The following TLE6 variants were observed in gnomAD, a reference collection of about 807,000 sequenced individuals.
TLE6 encodes the protein TLE family member 6, subcortical maternal complex member.
A neutral mutation model predicts 77.1 loss-of-function variants in TLE6; 72 were observed. The observed-to-expected ratio is 0.93, with a 90% CI of 0.77 to 1.14. The LOEUF is 1.14. TLE6 is among the 50% of genes most tolerant of loss of function. The pLI, the probability that TLE6 is intolerant of heterozygous loss-of-function variation, is 0.00. For missense variants in TLE6, 843 were observed against 747.6 expected (o/e 1.13, Z -1.49); for synonymous variants, 366 against 287.3 (o/e 1.27, Z -2.77).
At chr19:2,992,043 A>T (rs2089079807) in intron 14 of TLE6, 59 bp downstream of exon 14, 3 of 1,594,402 alleles carry the variant, frequency 1.9e-6, no homozygotes, top group Non-Finnish European at 1.7e-6. Flanking sequence ...CAGATTAAAA[A>T]ATGAGGTTGA....
intron 13 of TLE6, among the ~76,000 whole-genome samples, chr19:2,990,717 C>T (rs1194309567): frequency 6.8e-6 from 1 of 146,146 alleles, no homozygotes; most frequent in Non-Finnish European, 1.5e-5. Flanking sequence ...ATATAAAAAA[C>T]AGTCTGGGTG....
chr19:2,977,643 G>C (rs1490539209), intron 1 of TLE6, 33 bp downstream of exon 1: 2 of 152,800 alleles, frequency 1.3e-5, no homozygotes, highest in Admixed American at 6.5e-5. Flanking sequence ...CGTGTTCTAG[G>C]GGGCTGGGGG....
At chr19:2,983,040 G>A (rs1377920301) in intron 5 of TLE6, among the ~76,000 whole-genome samples, 1 of 152,090 alleles carries the variant, frequency 6.6e-6, no homozygotes, top group Non-Finnish European at 1.5e-5. Context: ...CTGTCCTCCC[G>A]CCACCTGGCC....
At chr19:2,983,167 G>A (rs2088833756) in intron 5 of TLE6, among the ~76,000 whole-genome samples, 2 of 152,050 alleles carry the variant, frequency 1.3e-5, no homozygotes, top group Admixed American at 1.3e-4. Context: ...AAGGGAACAG[G>A]GTGAGGGGGG....
intron 2 of TLE6, among the ~76,000 whole-genome samples, chr19:2,979,403 C>G (rs570387737): frequency 6.6e-6 from 1 of 151,740 alleles, no homozygotes; most frequent in African/African-American, 2.4e-5. Flanking sequence ...CGCGCCACCA[C>G]GCCCGGCTAA....
chr19:2,977,406 CCCCCCGGAG>C (rs2145005340), upstream of TLE6: 1 of 152,398 alleles, frequency 6.6e-6, no homozygotes, highest in African/African-American at 2.4e-5. Flanking sequence ...GAGGCCTGCC[CCCCCCGGAG>C]CCCGAACCCA....
At chr19:2,979,675 T>G (rs1484614381) in intron 2 of TLE6, among the ~76,000 whole-genome samples, 1 of 151,668 alleles carries the variant, frequency 6.6e-6, no homozygotes, top group African/African-American at 2.4e-5. Context: ...GCGCGGTGGT[T>G]CATGCCTGTC....
intron 14 of TLE6, among the ~76,000 whole-genome samples, chr19:2,993,026 T>TAA (rs377287142): frequency 0.039 from 1,899 of 48,334 alleles, 182 homozygotes; most frequent in African/African-American, 0.091. Flanking sequence ...CCGTCTCTAC[T>TAA]AAAAAAAAAA....
intron 16 of TLE6, 126 bp downstream of exon 16, chr19:2,994,221 A>G: frequency 1.3e-6 from 1 of 743,198 alleles, no homozygotes; most frequent in Non-Finnish European, 2.2e-6. Flanking sequence ...CACGGCTTTA[A>G]TCCCAGCATT....
intron 4 of TLE6, 24 bp from the exon 5 acceptor site, chr19:2,982,124 G>A (rs2088810337): frequency 1.3e-6 from 2 of 1,551,374 alleles, no homozygotes; most frequent in African/African-American, 1.4e-5. Context: ...ACCTCCCGAT[G>A]GGATCTCTGT....
Position 2,989,574 on chromosome 19 carries a change from A to G in TLE6, c.1033A>G (p.Asn345Asp), listed in dbSNP as rs1239091340. The change falls in exon 13 of 17, where the codon AAC (asparagine) becomes GAC (aspartate). Residue 345 changes from asparagine to aspartate, a missense_variant. By Grantham distance (23) the Asn-to-Asp change is conservative. Coordinates refer to ENST00000246112, the MANE Select transcript of TLE6 (RefSeq NM_001143986.2). ...CCTGCGCACCTGCCTGCTGTCCTCA[A>G]ACAGCAGGAGCCTGCTCACCGGTGG... ...AFLRTCLLSS[N>D]SRSLLTGGYN... 1.2e-6 allele frequency: 2 copies of G among 1,613,560 alleles called. No homozygotes were observed. Among genetic ancestry groups the G allele is most frequent in the Non-Finnish European group, 1.7e-6 (2 of 1,179,928 alleles).
intron 8 of TLE6, 130 bp downstream of exon 8, chr19:2,987,502 G>T (rs541974356): frequency 2.9e-6 from 4 of 1,373,434 alleles, no homozygotes; most frequent in East Asian, 4.6e-5. Flanking sequence ...GGTCCCCCGG[G>T]GGGGACTTGG....
Position 2,991,905 on chromosome 19 carries a change from C to T in TLE6, c.1307C>T (p.Thr436Ile), listed in dbSNP as rs775595254. The change falls in exon 14 of 17, where the codon ACT becomes ATT. Residue 436 changes from threonine (T) to isoleucine (I), a missense_variant. Coordinates refer to ENST00000246112, the MANE Select transcript of TLE6 (RefSeq NM_001143986.2). ...SIVVKGYNIWTGGPDACLRCW... is the reference protein window; with the variant it reads ...SIVVKGYNIWIGGPDACLRCW... ...GTGGTCAAGGGCTACAACATCTGGA[C>T]TGGGGGTCCGGATGCCTGTCTGCGG... 151 of 1,613,760 alleles carry T rather than the reference C, an allele frequency of 9.4e-5. No individual in the cohort carries two copies. Among genetic ancestry groups the T allele is most frequent in the Non-Finnish European group, 1.2e-4 (145 of 1,179,990 alleles).
chr19:2,977,815 C>T (rs906224176), intron 1 of TLE6, among the ~76,000 whole-genome samples: 19 of 152,238 alleles, frequency 1.2e-4, no homozygotes, highest in Admixed American at 6.5e-4. Context: ...CCTAGTCATC[C>T]TTCAAAACCC....
Position 2,991,999 on chromosome 19 carries a change from A to G in TLE6, c.1386+15A>G, listed in dbSNP as rs1216369111. The G allele has an allele frequency of 1.2e-6, 2 of 1,611,824 alleles. No individual in the cohort carries two copies. Among genetic ancestry groups the G allele is most frequent in the Non-Finnish European group, 1.7e-6 (2 of 1,179,166 alleles). On this transcript the variant is annotated intron_variant, in intron 14 of 16. Coordinates refer to ENST00000246112, the MANE Select transcript of TLE6 (RefSeq NM_001143986.2). ...TCAAGTCTCAGGTGCGGAGGCCGGGATGGGGTCTGCTTGGCCAGGCATCCT... is the reference window on the plus strand; with the variant it reads ...TCAAGTCTCAGGTGCGGAGGCCGGGGTGGGGTCTGCTTGGCCAGGCATCCT...
At chr19:2,988,204 CGA>C in intron 11 of TLE6, 76 bp downstream of exon 11, 1 of 1,440,646 alleles carries the variant, frequency 6.9e-7, no homozygotes, top group Non-Finnish European at 9.5e-7. Context: ...CCTCTGTTCC[CGA>C]CACATAGAGG....
intron 2 of TLE6, among the ~76,000 whole-genome samples, chr19:2,979,021 A>G (rs2088739134): frequency 1.3e-5 from 2 of 152,060 alleles, no homozygotes; most frequent in South Asian, 4.1e-4. Flanking sequence ...GCGCAATCTC[A>G]GCTCACTGCA....
rs1183672200 is a variant in TLE6, at chr19:2,980,140, T to C, written c.92T>C (p.Leu31Pro). The C allele has an allele frequency of 3.2e-6, 5 of 1,549,958 alleles. No individual in the cohort carries two copies. The highest frequency in any genetic ancestry group is 1.2e-5 in the South Asian group (1 of 84,036). The change falls in exon 3 of 17, where the codon CTG becomes CCG. Residue 31 changes from leucine (L) to proline (P), a missense_variant. Coordinates refer to ENST00000246112, the MANE Select transcript of TLE6 (RefSeq NM_001143986.2). ...GISNSESSPT[L>P]NYQGILNRLK... is the part of the protein sequence containing the mutation. ...TCGAACTCTGAGAGCTCTCCGACGC[T>C]GAATTATCAGGGCATTCTAAATCGG...
chr19:2,982,075 G>C, intron 4 of TLE6, 73 bp from the exon 5 acceptor site: 1 of 1,497,010 alleles, frequency 6.7e-7, no homozygotes, highest in Non-Finnish European at 9.1e-7. Flanking sequence ...GAGAGGTAGA[G>C]CAGCTTGCCC....
Sources: allele counts gnomAD v4.1 joint callset (sites outside exome capture counted in the v4.1 genomes callset), GRCh38; gene constraint gnomAD v4.1.1; transcripts MANE v1.5; gene names NCBI Gene and HGNC (gene_info 2026-07-23, HGNC 2026-07-21).